The following CDC20 variants were observed in gnomAD, a reference collection of about 807,000 sequenced individuals.
CDC20 encodes cell division cycle protein 20 homolog.
CDC20 carries 34 observed loss-of-function variants against 60.0 expected under a neutral mutation model. The observed-to-expected ratio is 0.57, with a 90% CI of 0.43 to 0.75. The LOEUF (loss-of-function observed/expected upper bound fraction) is 0.75, where lower values mean the gene tolerates loss of function less well. CDC20 is among the 30% of genes least tolerant of loss of function. The probability of loss-of-function intolerance (pLI) is 0.00; values close to 1 mark genes in which losing one functional copy is unlikely to be tolerated. For synonymous variants in CDC20, 198 were observed against 243.5 expected (o/e 0.81, Z 1.74); for missense variants, 469 against 647.3 (o/e 0.72, Z 2.99).
Position 43,360,282 on chromosome 1 carries a change from A to C in CDC20, c.646A>C (p.Ile216Leu). Residue 216 changes from isoleucine (I) to leucine (L), a missense_variant, in exon 6 of 11, where the codon ATC (isoleucine) becomes CTC (leucine). Physicochemically the swap from Ile to Leu is conservative, Grantham distance 5. Transcript: ENST00000310955. ...CCTGTGGAGTGCAAGCTCTGGTGAC[A>C]TCCTGCAGCTTTTGCAAATGGAGCA... is the stretch of plus-strand genomic sequence containing the variant. ...VYLWSASSGD[I>L]LQLLQMEQPG... is the part of the protein sequence containing the mutation. 6.2e-7 allele frequency: 1 copy of C among 1,614,230 alleles called. No homozygotes were observed. The highest frequency in any genetic ancestry group is 8.5e-7 in the Non-Finnish European group (1 of 1,180,038).
At chr1:43,361,083 C>T (rs963218155) in intron 8 of CDC20, 37 bp from the exon 9 acceptor site, 1 of 1,613,770 alleles carries the variant, frequency 6.2e-7, no homozygotes, top group East Asian at 2.2e-5. Flanking sequence ...CCTTGTCTGG[C>T]TCTAGTACCT....
chr1:43,359,857 G>A (rs747056251), intron 4 of CDC20, 36 bp downstream of exon 4: 2 of 1,609,504 alleles, frequency 1.2e-6, no homozygotes, highest in African/African-American at 1.3e-5. Context: ...GGAGGGAGGT[G>A]TCAGTTCATC....
chr1:43,359,322 C>G lies in CDC20; in HGVS notation c.107C>G (p.Ala36Gly). 2.5e-6 allele frequency: 4 copies of G among 1,612,916 alleles called. No individual in the cohort carries two copies. Among genetic ancestry groups the G allele is most frequent in the Non-Finnish European group, 3.4e-6 (4 of 1,179,884 alleles). ...ARWQRKAKEA[A>G]GPAPSPMRAA... ...TGGCAGCGCAAAGCCAAGGAAGCCG[C>G]AGGCCCGGCCCCCTCACCCATGCGG... The change falls in exon 2 of 11, where the codon GCA becomes GGA. Residue 36 changes from alanine (A) to glycine (G), a missense_variant. Coordinates refer to ENST00000310955, the MANE Select transcript of CDC20 (RefSeq NM_001255.3).
chr1:43,359,583 G>C lies in CDC20; in HGVS notation c.275G>C (p.Ser92Thr), dbSNP rs773552061. Residue 92 changes from serine to threonine, a missense_variant, in exon 3 of 11, where the codon AGC becomes ACC. Physicochemically the swap from Ser to Thr is moderately conservative, Grantham distance 58 (BLOSUM62 1). Around this residue, in one of 5 missense-constraint regions of CDC20, gnomAD observed 115 missense variants for 156.1 expected, o/e 0.74. Transcript: ENST00000310955. Reference protein sequence around the residue: ...HRSAAQMEVASFLLSKENQPE... With the variant: ...HRSAAQMEVATFLLSKENQPE... ...AGTGCTGCCCAGATGGAGGTGGCCA[G>C]CTTCCTCCTGAGCAAGGAGAACCAG... 1.2e-6 allele frequency: 2 copies of C among 1,614,034 alleles called. No homozygotes were observed. The highest frequency in any genetic ancestry group is 1.3e-5 in the African/African-American group (1 of 75,040).
chr1:43,362,672 G>A (rs1212548966), intron 10 of CDC20, among the ~76,000 whole-genome samples: 1 of 152,120 alleles, frequency 6.6e-6, no homozygotes, highest in African/African-American at 2.4e-5. Flanking sequence ...AGACAATCCT[G>A]GCTAACATGG....
At position 43,359,183 on chromosome 1, in the gene CDC20, A is replaced by G. The variant is rs772882287; in HGVS notation, c.-33A>G. ...TTCCTCCAGGGCTCCGTAGGCACCAACTGCAAGGACCCCTCCCCCTGCGGG... is the reference window on the plus strand; with the variant it reads ...TTCCTCCAGGGCTCCGTAGGCACCAGCTGCAAGGACCCCTCCCCCTGCGGG... On this transcript the variant is annotated 5_prime_UTR_variant, in exon 2 of 11. Coordinates refer to ENST00000310955, the MANE Select transcript of CDC20 (RefSeq NM_001255.3). 1.2e-6 allele frequency: 2 copies of G among 1,609,770 alleles called. No individual in the cohort carries two copies. Among genetic ancestry groups the G allele is most frequent in the Non-Finnish European group, 1.7e-6 (2 of 1,178,502 alleles).
At position 43,361,222 on chromosome 1, in the gene CDC20, A is replaced by G. The variant is rs143739422; in HGVS notation, c.1180A>G (p.Ser394Gly). The G allele has an allele frequency of 1.3e-5, 21 of 1,610,334 alleles. No homozygotes were observed. The highest frequency in any genetic ancestry group is 1.8e-5 in the Non-Finnish European group (21 of 1,178,100). Residue 394 changes from serine (S) to glycine (G), a missense_variant, in exon 9 of 11, where the codon AGT becomes GGT. Physicochemically the swap from Ser to Gly is moderately conservative, Grantham distance 56. This residue lies in a region of CDC20 where 255 missense variants were observed against 326.7 expected (regional missense o/e 0.78). Transcript: ENST00000310955. ...GAATGTGTGCTCTGGGGCCTGTCTG[A>G]GTGCCGTGGATGCCCATTCCCAGGT... Reference protein sequence around the residue: ...IWNVCSGACLSAVDAHSQVCS... With the variant: ...IWNVCSGACLGAVDAHSQVCS...
rs750779037 is a variant in CDC20 at position 43,360,074 on chromosome 1, C to T, written c.533C>T (p.Ala178Val). ...IPSLPDRILD[A>V]PEIRNDYYLN... The stretch of plus-strand genomic sequence containing the variant: ...TCCCTGCCAGACCGTATCCTGGATG[C>T]GCCTGAAATCCGAAATGACTATTGT... Residue 178 changes from alanine (A) to valine (V), a missense_variant, in exon 5 of 11, where the codon GCG (alanine) becomes GTG (valine). Around this residue, in one of 5 missense-constraint regions of CDC20, gnomAD observed 255 missense variants for 326.7 expected, o/e 0.78. Transcript: ENST00000310955. 10 of 1,614,116 alleles carry T rather than the reference C, an allele frequency of 6.2e-6. No individual in the cohort carries two copies. The highest frequency in any genetic ancestry group is 8.5e-6 in the Non-Finnish European group (10 of 1,180,052).
Position 43,360,381 on chromosome 1 carries a change from G to A in CDC20, c.745G>A (p.Glu249Lys). The A allele has an allele frequency of 6.2e-7, 1 of 1,614,134 alleles. No homozygotes were observed. Among genetic ancestry groups the A allele is most frequent in the South Asian group, 1.1e-5 (1 of 91,080 alleles). Residue 249 changes from glutamate to lysine, a missense_variant, in exon 6 of 11, where the codon GAG becomes AAG. Around this residue, in one of 5 missense-constraint regions of CDC20, gnomAD observed 255 missense variants for 326.7 expected, o/e 0.78. Coordinates refer to ENST00000310955, the MANE Select transcript of CDC20 (RefSeq NM_001255.3). ...CTTGGCTGTGGGCACCAGCAGTGCT[G>A]AGGTGCAGGTGAGACGTGTCCAGTG... ...NYLAVGTSSA[E>K]VQLWDVQQQK... is the part of the protein sequence containing the mutation.
rs778525504 is a variant in CDC20, at chr1:43,360,236, G to A, written c.600G>A (p.Val200=). Residue 200 remains valine, a synonymous_variant, in exon 6 of 11, where the codon GTG becomes GTA. Coordinates refer to ENST00000310955, the MANE Select transcript of CDC20 (RefSeq NM_001255.3). The part of the protein sequence containing the change: ...VDWSSGNVLA[V]ALDNSVYLWS... ...GGAGTTCTGGGAATGTACTGGCCGT[G>A]GCACTGGACAACAGTGTGTACCTGT... is the stretch of plus-strand genomic sequence containing the variant. 5 of 1,614,096 alleles carry A rather than the reference G, an allele frequency of 3.1e-6. No individual in the cohort carries two copies. The highest frequency in any genetic ancestry group is 4.2e-6 in the Non-Finnish European group (5 of 1,180,052).
Position 43,359,382 on chromosome 1 carries a change from C to T in CDC20, c.167C>T (p.Pro56Leu). The part of the protein sequence containing the change: ...ANRSHSAGRT[P>L]GRTPGKSSSK... ...CGATCCCACAGCGCCGGCAGGACTCCGGGCCGAACTCCTGGTCAGTGAGGT... is the reference window on the plus strand; with the variant it reads ...CGATCCCACAGCGCCGGCAGGACTCTGGGCCGAACTCCTGGTCAGTGAGGT... Residue 56 changes from proline to leucine, a missense_variant, in exon 2 of 11, where the codon CCG becomes CTG. This residue lies in a region of CDC20 where 115 missense variants were observed against 156.1 expected (regional missense o/e 0.74). Transcript: ENST00000310955. 1.9e-6 allele frequency: 3 copies of T among 1,612,802 alleles called. No individual in the cohort carries two copies. The highest frequency in any genetic ancestry group is 2.5e-6 in the Non-Finnish European group (3 of 1,179,532).
chr1:43,359,031 A>T, intron 1 of CDC20, 25 bp downstream of exon 1: 1 of 632,772 alleles, frequency 1.6e-6, no homozygotes, highest in Non-Finnish European at 2.8e-6. Flanking sequence ...GGCTGAGCCG[A>T]GGTGGGGCCG....
chr1:43,361,235 C>T lies in CDC20; in HGVS notation c.1193C>T (p.Ala398Val). The change falls in exon 9 of 11, where the codon GCC becomes GTC. Residue 398 changes from alanine (A) to valine (V), a missense_variant. Transcript: ENST00000310955. ...CSGACLSAVD[A>V]HSQVCSILWS... is the part of the protein sequence containing the mutation. ...GGGGCCTGTCTGAGTGCCGTGGATG[C>T]CCATTCCCAGGTAATCTTTTGCCTG... 6.2e-7 allele frequency: 1 copy of T among 1,603,856 alleles called. No homozygotes were observed. Among genetic ancestry groups the T allele is most frequent in the Non-Finnish European group, 8.5e-7 (1 of 1,174,810 alleles).
In CDC20 at chr1:43,359,484, C is replaced by T; in HGVS notation, c.182-6C>T. 1 of 1,614,078 alleles carries T rather than the reference C, an allele frequency of 6.2e-7. No individual in the cohort carries two copies. Among genetic ancestry groups the T allele is most frequent in the Non-Finnish European group, 8.5e-7 (1 of 1,179,996 alleles). On this transcript the variant is annotated splice_region_variant and splice_polypyrimidine_tract_variant and intron_variant, in intron 2 of 10. Coordinates refer to ENST00000310955, the MANE Select transcript of CDC20 (RefSeq NM_001255.3). Reference sequence around the variant, plus strand: ...GGTCAGACTGTCTTCTCTTTCTCCGCCCCAGGCAAATCCAGTTCCAAGGTT... The same window carrying T: ...GGTCAGACTGTCTTCTCTTTCTCCGTCCCAGGCAAATCCAGTTCCAAGGTT...
At chr1:43,361,015 T>C (rs1451027646) in intron 8 of CDC20, 54 bp downstream of exon 8, 1 of 1,592,978 alleles carries the variant, frequency 6.3e-7, no homozygotes, top group Non-Finnish European at 8.6e-7. Flanking sequence ...ATCTGGGGAC[T>C]GTTAAGGGGA....
intron 6 of CDC20, 35 bp downstream of exon 6, chr1:43,360,424 C>A (rs1647167248): frequency 2.5e-6 from 4 of 1,610,156 alleles, no homozygotes; most frequent in South Asian, 2.2e-5. Flanking sequence ...TCTCACCAGT[C>A]CCAATGGGCT....
chr1:43,362,689 CCT>C (rs1300949297), intron 10 of CDC20, among the ~76,000 whole-genome samples: 11 of 152,102 alleles, frequency 7.2e-5, no homozygotes, highest in Admixed American at 2.0e-4. Context: ...ATGGTGAAGC[CCT>C]GTCTCTACTA....
At chr1:43,360,638 C>A in intron 7 of CDC20, 45 bp downstream of exon 7, 1 of 1,575,894 alleles carries the variant, frequency 6.3e-7, no homozygotes, top group South Asian at 1.1e-5. Context: ...ATTTGCCCAC[C>A]CTCCCCTTGA....
In CDC20 at chr1:43,359,255, C is replaced by G; in HGVS notation, c.40C>G (p.Leu14Val). The change falls in exon 2 of 11, where the codon CTT (leucine) becomes GTT (valine). Residue 14 changes from leucine to valine, a missense_variant. Leu to Val is a conservative substitution (Grantham distance 32, BLOSUM62 1). Around this residue, in one of 5 missense-constraint regions of CDC20, gnomAD observed 115 missense variants for 156.1 expected, o/e 0.74. Coordinates refer to ENST00000310955, the MANE Select transcript of CDC20 (RefSeq NM_001255.3). Reference protein sequence around the residue: ...FAFESDLHSLLQLDAPIPNAP... With the variant: ...FAFESDLHSLVQLDAPIPNAP... ...GTTCGAGAGTGACCTGCACTCGCTG[C>G]TTCAGCTGGATGCACCCATCCCCAA... is the stretch of plus-strand genomic sequence containing the variant. The G allele has an allele frequency of 1.9e-6, 3 of 1,611,836 alleles. No individual in the cohort carries two copies. The highest frequency in any genetic ancestry group is 2.5e-6 in the Non-Finnish European group (3 of 1,179,936).
Sources: gnomAD v4.1 joint callset for allele counts (sites outside exome capture counted in the v4.1 genomes callset) on GRCh38, gnomAD v4.1.1 for gene constraint, gnomAD v4.1.1 regional missense constraint, MANE v1.5 for transcripts, NCBI Gene and HGNC (gene_info 2026-07-23, HGNC 2026-07-21) for gene names.